Variants in WRN observed in about 807,000 individuals in gnomAD.
WRN encodes the protein bifunctional 3'-5' exonuclease/ATP-dependent helicase WRN.
Under a neutral mutation model 180.7 loss-of-function variants are expected in WRN, and 149 were observed. The ratio of observed to expected loss-of-function variants is 0.82; its 90% CI spans 0.72 to 0.94. The LOEUF is 0.94. WRN is among the 40% of genes least tolerant of loss of function. The pLI, the probability that WRN is intolerant of heterozygous loss-of-function variation, is 0.00. For missense variants in WRN, 1,661 were observed against 1,700.1 expected, an observed-to-expected ratio of 0.98 and a Z score of 0.40; for synonymous variants, 548 against 568.9, an observed-to-expected ratio of 0.96 and a Z score of 0.52.
chr8:31,043,541 G>T (rs747714251), intron 1 of WRN, among the ~76,000 whole-genome samples: 1 of 152,060 alleles, frequency 6.6e-6, no homozygotes, highest in Non-Finnish European at 1.5e-5. Context: ...GATCATTATC[G>T]TCTTCTTTCT....
At chr8:31,137,383 A>C (rs1485936282) in intron 24 of WRN, among the ~76,000 whole-genome samples, 1 of 152,140 alleles carries the variant, frequency 6.6e-6, no homozygotes, top group African/African-American at 2.4e-5. Context: ...GATTCTAGTT[A>C]GGGAACTTAA....
At chr8:31,080,261 C>G (rs753346847) in intron 8 of WRN, among the ~76,000 whole-genome samples, 1 of 152,144 alleles carries the variant, frequency 6.6e-6, no homozygotes, top group African/African-American at 2.4e-5. Context: ...TCATTATATA[C>G]AGGCCAGCTC....
chr8:31,151,852 T>C (rs1803143020), intron 31 of WRN, among the ~76,000 whole-genome samples: 1 of 152,288 alleles, frequency 6.6e-6, no homozygotes, highest in South Asian at 2.1e-4. Context: ...AAAACAACTT[T>C]AATGTTTATT....
chr8:31,068,513 A>G (rs548771685), intron 7 of WRN, among the ~76,000 whole-genome samples, 186 bp downstream of exon 7: 1 of 152,346 alleles, frequency 6.6e-6, no homozygotes, highest in African/African-American at 2.4e-5. Flanking sequence ...TACTTGTGGC[A>G]AAGCAGCCCT....
chr8:31,097,888 A>G (rs1301589231), intron 17 of WRN, among the ~76,000 whole-genome samples: 2 of 152,162 alleles, frequency 1.3e-5, no homozygotes, highest in Admixed American at 1.3e-4. Flanking sequence ...GCCTAACCAA[A>G]TTTAATTTTT....
At chr8:31,076,405 T>C in intron 8 of WRN, 118 bp downstream of exon 8, 2 of 816,628 alleles carry the variant, frequency 2.4e-6, no homozygotes, top group Non-Finnish European at 4.1e-6. Flanking sequence ...TTTGCTTGAA[T>C]ACACACACAC....
rs190364546 is a variant in WRN, at chr8:31,141,520, C to T, written c.3058C>T (p.Arg1020Cys). 1.4e-5 allele frequency: 23 copies of T among 1,614,038 alleles called. No homozygotes were observed. In the Admixed American group the frequency reaches 2.5e-4, roughly 18 times the overall value. ...AGAGAGTTGGTGGAAGGCTTTTTCCCGTCAGCTGATCACTGAGGGATTCTT... is the reference window on the plus strand; with the variant it reads ...AGAGAGTTGGTGGAAGGCTTTTTCCTGTCAGCTGATCACTGAGGGATTCTT... ...QTESWWKAFS[R>C]QLITEGFLVE... is the part of the protein sequence containing the mutation. The change falls in exon 25 of 35, where the codon CGT becomes TGT. Residue 1020 changes from arginine to cysteine, a missense_variant. By Grantham distance (180) the Arg-to-Cys change is radical. Transcript: ENST00000298139.
chr8:31,145,046 G>A (rs149473176), intron 28 of WRN, among the ~76,000 whole-genome samples: 9,694 of 152,262 alleles, frequency 0.064, 359 homozygotes, highest in African/African-American at 0.073. Context: ...GAGGTTTAAG[G>A]AAAGAAGCCA....
intron 3 of WRN, among the ~76,000 whole-genome samples, chr8:31,062,409 ATTTTTT>A (rs3056741): frequency 1.4e-5 from 2 of 139,734 alleles, no homozygotes; most frequent in East Asian, 4.1e-4. Context: ...ATTTTCTTCA[ATTTTTT>A]TTTTTTTTTT....
chr8:31,041,506 C>T (rs747779382), intron 1 of WRN, among the ~76,000 whole-genome samples: 5 of 152,190 alleles, frequency 3.3e-5, no homozygotes, highest in Admixed American at 6.5e-5. Context: ...CCCCATGGCC[C>T]ACTCAAATTG....
At position 31,142,634 on chromosome 8, in the gene WRN, C is replaced by T. The variant is rs1563377314; in HGVS notation, c.3242C>T (p.Thr1081Ile). The T allele has an allele frequency of 6.3e-7, 1 of 1,597,590 alleles. No homozygotes were observed. The change falls in exon 27 of 35, where the codon ACT becomes ATT. Residue 1081 changes from threonine to isoleucine, a missense_variant. Transcript: ENST00000298139. ...PKKLLLPSSK[T>I]VSSGTKEHCY... ...ATTTTATTATTTTTTAGTTCGAAAA[C>T]TGTATCTTCGGGCACCAAAGAGCAT...
At chr8:31,157,021 A>G (rs11574382) in intron 32 of WRN, among the ~76,000 whole-genome samples, 4,051 of 152,230 alleles carry the variant, frequency 0.027, 177 homozygotes, top group African/African-American at 0.089. Context: ...ACAGTTTACT[A>G]TGTTTTCAGA....
rs759229438 is a variant in WRN at position 31,088,886 on chromosome 8, C to T, written c.1577-4C>T. The T allele has an allele frequency of 1.2e-6, 2 of 1,607,706 alleles. No individual in the cohort carries two copies. The highest frequency in any genetic ancestry group is 2.2e-5 in the East Asian group (1 of 44,724). ...CATAAATGCACATTTTATTTTATTTCCAGACTTTTTGTGGCCAGCACCCAA... is the reference window on the plus strand; with the variant it reads ...CATAAATGCACATTTTATTTTATTTTCAGACTTTTTGTGGCCAGCACCCAA... On this transcript the variant is annotated splice_region_variant and splice_polypyrimidine_tract_variant and intron_variant, in intron 12 of 34. Coordinates refer to ENST00000298139, the MANE Select transcript of WRN (RefSeq NM_000553.6).
chr8:31,126,950 C>T (rs1801952224), intron 23 of WRN, among the ~76,000 whole-genome samples: 1 of 152,134 alleles, frequency 6.6e-6, no homozygotes, highest in South Asian at 2.1e-4. Flanking sequence ...ACACTATGAA[C>T]AACTCAGAAC....
At chr8:31,159,393 T>C (rs1242543857) in intron 33 of WRN, among the ~76,000 whole-genome samples, 1 of 151,742 alleles carries the variant, frequency 6.6e-6, no homozygotes, top group Non-Finnish European at 1.5e-5. Flanking sequence ...GAAGGGACAG[T>C]GGTTGAAAAA....
intron 1 of WRN, among the ~76,000 whole-genome samples, chr8:31,043,037 A>G (rs1388879637): frequency 6.6e-6 from 1 of 152,238 alleles, no homozygotes; most frequent in Non-Finnish European, 1.5e-5. Flanking sequence ...GACTTCAGCA[A>G]TAAAAGGTTA....
chr8:31,057,456 A>G (rs1812314240), intron 1 of WRN, among the ~76,000 whole-genome samples: 2 of 152,172 alleles, frequency 1.3e-5, no homozygotes, highest in African/African-American at 4.8e-5. Flanking sequence ...CTGTAGTCCC[A>G]GCTACTCAGG....
At chr8:31,156,640 A>G (rs955522017) in intron 32 of WRN, among the ~76,000 whole-genome samples, 2 of 152,252 alleles carry the variant, frequency 1.3e-5, no homozygotes, top group Admixed American at 6.5e-5. Context: ...TTGAAAATGT[A>G]TTGAAAGAGA....
rs1419910729 is a variant in WRN, at chr8:31,080,857, T to G, written c.840-10T>G. ...GAAGTTGAATTAATCTTTCTTAATT[T>G]TTTTTTTAGGGTTTCTATCTTACTA... is the stretch of plus-strand genomic sequence containing the variant. On this transcript the variant is annotated splice_polypyrimidine_tract_variant and intron_variant, in intron 8 of 34. Transcript: ENST00000298139. 3.1e-6 allele frequency: 5 copies of G among 1,589,564 alleles called. No individual in the cohort carries two copies. The highest frequency in any genetic ancestry group is 1.2e-5 in the South Asian group (1 of 86,886).
Sources: gnomAD v4.1 joint callset for allele counts (sites outside exome capture counted in the v4.1 genomes callset) on GRCh38, gnomAD v4.1.1 for gene constraint, MANE v1.5 for transcripts, NCBI Gene and HGNC (gene_info 2026-07-23, HGNC 2026-07-21) for gene names.